The following VRK2 variants were observed in gnomAD, a reference collection of about 807,000 sequenced individuals.
VRK2 encodes the protein VRK serine/threonine kinase 2, also known as serine/threonine-protein kinase VRK2.
In VRK2, 60 loss-of-function variants were observed where a neutral mutation model predicts 57.6. The ratio of observed to expected loss-of-function variants is 1.04; its 90% CI spans 0.85 to 1.29. The LOEUF is 1.29. VRK2 is among the 50% of genes most tolerant of loss of function. The pLI is 0.00. For synonymous variants in VRK2, 231 were observed against 199.2 expected (o/e 1.16, Z -1.35); for missense variants, 705 against 588.1 (o/e 1.20, Z -2.06).
chr2:58,155,842 G>A (rs1286707550), intron 12 of VRK2, among the ~76,000 whole-genome samples: 2 of 149,550 alleles, frequency 1.3e-5, no homozygotes, highest in Non-Finnish European at 3.0e-5. Flanking sequence ...CTAGGGTTCA[G>A]CAGGTATAAA....
chr2:57,917,718 T>A (rs920925685), intron 1 of VRK2, among the ~76,000 whole-genome samples: 2 of 151,734 alleles, frequency 1.3e-5, no homozygotes, highest in Non-Finnish European at 2.9e-5. Flanking sequence ...ACAAATGAAA[T>A]GTTGATATAG....
intron 7 of VRK2, among the ~76,000 whole-genome samples, chr2:58,095,956 GA>G (rs1160024888): frequency 6.6e-6 from 1 of 152,056 alleles, no homozygotes. Flanking sequence ...ATAAAGTCAA[GA>G]AAATATCTGT....
At chr2:57,959,184 T>C (rs1461209933) in intron 1 of VRK2, among the ~76,000 whole-genome samples, 1 of 152,134 alleles carries the variant, frequency 6.6e-6, no homozygotes, top group African/African-American at 2.4e-5. Flanking sequence ...TATCTTTGAG[T>C]TCATACAATT....
chr2:58,109,226 T>C (rs17049345), intron 7 of VRK2, among the ~76,000 whole-genome samples: 6,727 of 152,206 alleles, frequency 0.044, 371 homozygotes, highest in African/African-American at 0.13. Flanking sequence ...GGTGCTGTTA[T>C]GGATACAAAA....
At chr2:57,931,649 T>C (rs1438357881) in intron 1 of VRK2, among the ~76,000 whole-genome samples, 1 of 152,200 alleles carries the variant, frequency 6.6e-6, no homozygotes, top group Non-Finnish European at 1.5e-5. Flanking sequence ...TTTGCTTTTG[T>C]CACCTGTGGT....
chr2:57,987,212 T>C (rs553458077), intron 1 of VRK2, among the ~76,000 whole-genome samples: 5 of 151,998 alleles, frequency 3.3e-5, no homozygotes, highest in African/African-American at 1.2e-4. Context: ...GTGCTTATAA[T>C]AAAACAACAA....
chr2:58,136,861 GTA>G (rs34387144), intron 10 of VRK2, among the ~76,000 whole-genome samples: 6,915 of 101,978 alleles, frequency 0.068, 238 homozygotes, highest in Non-Finnish European at 0.084. Flanking sequence ...ATATATATGT[GTA>G]TATATATCAT....
chr2:58,128,026 C>G (rs1678626071), intron 8 of VRK2, among the ~76,000 whole-genome samples: 1 of 152,030 alleles, frequency 6.6e-6, no homozygotes, highest in South Asian at 2.1e-4. Context: ...GTTCTTATAC[C>G]AGTTTAGAAG....
intron 1 of VRK2, among the ~76,000 whole-genome samples, chr2:57,935,326 T>C (rs1168098511): frequency 2.6e-5 from 4 of 152,136 alleles, no homozygotes; most frequent in Non-Finnish European, 5.9e-5. Flanking sequence ...CTTGGTGGGG[T>C]GTGGGGGAAT....
chr2:58,143,774 C>T (rs777922800), intron 11 of VRK2, among the ~76,000 whole-genome samples: 5 of 151,820 alleles, frequency 3.3e-5, no homozygotes, highest in Non-Finnish European at 5.9e-5. Context: ...GGTATCTGCA[C>T]TCCCATGTTC....
chr2:57,994,167 T>C (rs1672854460), intron 1 of VRK2, among the ~76,000 whole-genome samples: 2 of 152,278 alleles, frequency 1.3e-5, no homozygotes, highest in South Asian at 2.1e-4. Context: ...TTTATGGTCA[T>C]TGAAATTTAA....
chr2:58,044,902 T>A (rs189914262), upstream of VRK2, among the ~76,000 whole-genome samples: 2 of 152,150 alleles, frequency 1.3e-5, no homozygotes, highest in Admixed American at 6.5e-5. Flanking sequence ...TGTTAACTTG[T>A]GTGGGAGGGA....
rs149019242 is a variant in VRK2, at chr2:57,968,059, A to G, written c.-438-57606A>G. Among the ~76,000 whole-genome samples, 417 of 152,212 alleles carry G rather than the reference A, an allele frequency of 2.7e-3. 2 individuals carry two copies. Among genetic ancestry groups the G allele is most frequent in the Middle Eastern group, 0.01 (3 of 294 alleles). On this transcript the variant is annotated intron_variant, in intron 1 of 15. Transcript: ENST00000417641. The stretch of plus-strand genomic sequence containing the variant: ...TAAAATTAAATAATAAACAAAGATT[A>G]AAACAAGAAGAGAAAAAATATTATA...
intron 2 of VRK2, among the ~76,000 whole-genome samples, chr2:58,076,769 G>T (rs897272756): frequency 6.6e-6 from 1 of 151,522 alleles, no homozygotes; most frequent in Non-Finnish European, 1.5e-5. Context: ...GCACAATTTT[G>T]TAAGAGGATT....
intron 9 of VRK2, among the ~76,000 whole-genome samples, chr2:58,133,510 T>G (rs72953108): frequency 6.6e-6 from 1 of 152,130 alleles, no homozygotes; most frequent in Admixed American, 6.5e-5. Context: ...CCCATAAGGG[T>G]GTGATTGTAT....
intron 9 of VRK2, among the ~76,000 whole-genome samples, chr2:58,132,911 A>G (rs1386175567): frequency 6.6e-6 from 1 of 152,228 alleles, no homozygotes; most frequent in Non-Finnish European, 1.5e-5. Context: ...ATATAAATCT[A>G]TATTAGAACT....
At chr2:58,134,671 C>T (rs1679743717) in intron 9 of VRK2, among the ~76,000 whole-genome samples, 1 of 151,998 alleles carries the variant, frequency 6.6e-6, no homozygotes. Context: ...TCCCCCCGCC[C>T]CAGTTCAGTA....
chr2:58,007,168 G>A (rs1673273492), intron 1 of VRK2, among the ~76,000 whole-genome samples: 1 of 150,794 alleles, frequency 6.6e-6, no homozygotes, highest in Non-Finnish European at 1.5e-5. Context: ...GGACTTCTCA[G>A]CCTCCAAAAT....
chr2:58,093,206 G>A (rs372883358), intron 7 of VRK2, among the ~76,000 whole-genome samples: 8 of 152,104 alleles, frequency 5.3e-5, no homozygotes, highest in South Asian at 2.1e-4. Flanking sequence ...GTCAAATGGT[G>A]TTTCTAGTTC....
Sources: allele counts gnomAD v4.1 joint callset (sites outside exome capture counted in the v4.1 genomes callset), GRCh38; gene constraint gnomAD v4.1.1; transcripts MANE v1.5; gene names NCBI Gene and HGNC (gene_info 2026-07-23, HGNC 2026-07-21).